PUM1: variants seen among roughly 807,000 people sequenced by gnomAD.
PUM1 encodes the protein pumilio homolog 1.
In PUM1, 13 loss-of-function variants were observed where a neutral mutation model predicts 131.8. The observed-to-expected ratio is 0.10, with a 90% CI of 0.06 to 0.16. The LOEUF (loss-of-function observed/expected upper bound fraction) is 0.16. PUM1 is among the 10% of genes least tolerant of loss of function. PUM1 has a pLI of 1.00. For synonymous variants in PUM1, 509 were observed against 556.5 expected (o/e 0.91, Z 1.20); for missense variants, 961 against 1,512.4 (o/e 0.64, Z 6.05).
At chr1:31,063,567 G>C (rs1212947221) in intron 1 of PUM1, among the ~76,000 whole-genome samples, 3 of 151,864 alleles carry the variant, frequency 2.0e-5, no homozygotes, top group Non-Finnish European at 4.4e-5. Context: ...TCACCACTAC[G>C]CAATACACGC....
At chr1:31,006,139 T>C (rs1224507234) in intron 4 of PUM1, 108 bp from the exon 5 acceptor site, 51 of 973,258 alleles carry the variant, frequency 5.2e-5, no homozygotes, top group Non-Finnish European at 7.2e-5. Flanking sequence ...CCATGGTCAG[T>C]TGAGCCAAAA....
intron 5 of PUM1, among the ~76,000 whole-genome samples, chr1:30,997,215 C>CA (rs953059700): frequency 1.3e-5 from 2 of 152,102 alleles, no homozygotes; most frequent in African/African-American, 4.8e-5. Flanking sequence ...GGTCTGTAGG[C>CA]AAAAATGGAA....
intron 2 of PUM1, among the ~76,000 whole-genome samples, chr1:31,030,635 C>T (rs1240440423): frequency 6.6e-6 from 1 of 151,996 alleles, no homozygotes; most frequent in Non-Finnish European, 1.5e-5. Flanking sequence ...AGCCTGCACC[C>T]GGGCAGTCGA....
rs145921595 is a variant in PUM1 at position 30,953,065 on chromosome 1, T to C, written c.2591+649A>G. 1.8e-3 allele frequency among the ~76,000 whole-genome samples: 270 copies of C among 152,338 alleles called. 1 individual carries two copies. Among genetic ancestry groups the C allele is most frequent in the African/African-American group, 6.1e-3 (254 of 41,578 alleles). ...GAAGTAGTAACAGTCTGCCTTTTTT[T>C]AGTCCAAATGACCACTATCAGGAAA... is the stretch of plus-strand genomic sequence containing the variant. On this transcript the variant is annotated intron_variant, in intron 15 of 21. Coordinates refer to ENST00000426105, the MANE Select transcript of PUM1 (RefSeq NM_001020658.2).
At chr1:30,941,293 G>A (rs1639429705) in intron 19 of PUM1, 21 bp from the exon 20 acceptor site, 2 of 1,601,360 alleles carry the variant, frequency 1.2e-6, no homozygotes, top group African/African-American at 2.7e-5. Flanking sequence ...AACAGTAAGA[G>A]AAATAAAATG....
At chr1:30,955,069 CA>C (rs373365605) in intron 14 of PUM1, among the ~76,000 whole-genome samples, 1,549 of 145,482 alleles carry the variant, frequency 0.011, 11 homozygotes, top group East Asian at 0.033. Flanking sequence ...ACCTTGTCTC[CA>C]AAAAAAACAA....
intron 14 of PUM1, among the ~76,000 whole-genome samples, chr1:30,955,074 A>AAAAC (rs764763790): frequency 6.6e-6 from 1 of 151,904 alleles, no homozygotes; most frequent in East Asian, 1.9e-4. Flanking sequence ...GTCTCCAAAA[A>AAAAC]AAACAAACAA....
rs117049199 is a variant in PUM1 at position 30,934,375 on chromosome 1, G to A, written c.3436-1033C>T. Among the ~76,000 whole-genome samples the A allele has an allele frequency of 5.1e-3, 778 of 152,270 alleles. 4 individuals are homozygous for A. Among genetic ancestry groups the A allele is most frequent in the East Asian group, 0.032 (168 of 5,180 alleles). On this transcript the variant is annotated intron_variant, in intron 21 of 21. Transcript: ENST00000426105. ...CATAAACGCACTGGATAAATGTACC[G>A]CAGTAGACAGAGGCTCTCCAGGTTG...
intron 14 of PUM1, among the ~76,000 whole-genome samples, chr1:30,961,160 T>C (rs1309845113): frequency 6.6e-6 from 1 of 151,402 alleles, no homozygotes; most frequent in African/African-American, 2.4e-5. Context: ...GCCACTGCAT[T>C]CCAACCAGGG....
chr1:30,945,471 G>C lies in PUM1; in HGVS notation c.2869C>G (p.Arg957Gly). The change falls in exon 18 of 22, where the codon CGG (arginine) becomes GGG (glycine). Residue 957 changes from arginine to glycine, a missense_variant. This residue lies in a region of PUM1 where 178 missense variants were observed against 327.5 expected (regional missense o/e 0.54). Coordinates refer to ENST00000426105, the MANE Select transcript of PUM1 (RefSeq NM_001020658.2). ...TTCAAGACATGGCCATCTAGTTCCC[G>C]AACCATCTCATTCTAATGGAGACAA... ...SDQQVINEMV[R>G]ELDGHVLKCV... is the part of the protein sequence containing the mutation. 1.2e-6 allele frequency: 2 copies of C among 1,614,006 alleles called. No individual in the cohort carries two copies. Among genetic ancestry groups the C allele is most frequent in the Non-Finnish European group, 1.7e-6 (2 of 1,180,008 alleles).
At chr1:30,988,148 AAAAC>A (rs751184945) in intron 7 of PUM1, among the ~76,000 whole-genome samples, 6 of 152,316 alleles carry the variant, frequency 3.9e-5, no homozygotes, top group South Asian at 2.1e-4. Flanking sequence ...GGCACACACA[AAAAC>A]AAACAAAAAA....
intron 7 of PUM1, among the ~76,000 whole-genome samples, chr1:30,985,610 A>T (rs1239974052): frequency 7.1e-6 from 1 of 140,786 alleles, no homozygotes; most frequent in Non-Finnish European, 1.5e-5. Context: ...CGAGATGGCC[A>T]TTGCACTCCA....
Position 31,044,364 on chromosome 1 carries a change from T to G in PUM1, c.363+14840A>C, listed in dbSNP as rs933595386. On this transcript the variant is annotated intron_variant, in intron 2 of 21. Coordinates refer to ENST00000426105, the MANE Select transcript of PUM1 (RefSeq NM_001020658.2). ...CTGCAGTGAGCTGAGATCGTGCCAC[T>G]GCACTCCAGCCTGGGCGACAGCGAG... Among the ~76,000 whole-genome samples the G allele has an allele frequency of 5.3e-5, 8 of 152,222 alleles. No homozygotes were observed. In the South Asian group the frequency reaches 1.5e-3, roughly 28 times the overall value.
chr1:31,015,726 T>G (rs1188236656), intron 3 of PUM1, among the ~76,000 whole-genome samples: 1 of 149,086 alleles, frequency 6.7e-6, no homozygotes, highest in African/African-American at 2.5e-5. Context: ...CAGGCTGGAG[T>G]GCAATGATGC....
intron 14 of PUM1, among the ~76,000 whole-genome samples, chr1:30,957,137 A>G (rs1401528388): frequency 8.2e-6 from 1 of 121,300 alleles, no homozygotes; most frequent in East Asian, 2.2e-4. Context: ...TTTTATTACT[A>G]AGAAATATAG....
At chr1:31,030,213 AAAAAC>A (rs1643375537) in intron 2 of PUM1, among the ~76,000 whole-genome samples, 1 of 152,018 alleles carries the variant, frequency 6.6e-6, no homozygotes, top group African/African-American at 2.4e-5. Context: ...TGTCTCAAAA[AAAAAC>A]AAAACAAAAA....
intron 2 of PUM1, among the ~76,000 whole-genome samples, chr1:31,046,101 A>C (rs1448000149): frequency 2.0e-5 from 3 of 149,048 alleles, no homozygotes; most frequent in Admixed American, 6.7e-5. Context: ...TAGAAAAAAA[A>C]AAGGGCTGGG....
At chr1:30,937,952 A>G (rs1359330873) in intron 20 of PUM1, among the ~76,000 whole-genome samples, 1 of 151,956 alleles carries the variant, frequency 6.6e-6, no homozygotes, top group East Asian at 1.9e-4. Context: ...TTGTATTTTT[A>G]GTAGAGACGG....
chr1:30,992,014 T>G (rs866511882), intron 7 of PUM1, among the ~76,000 whole-genome samples: 1 of 152,212 alleles, frequency 6.6e-6, no homozygotes, highest in South Asian at 2.1e-4. Flanking sequence ...CAGCGGTGGA[T>G]AGTAGAGTTT....
Sources: gnomAD v4.1 joint callset for allele counts (sites outside exome capture counted in the v4.1 genomes callset) on GRCh38, gnomAD v4.1.1 for gene constraint, gnomAD v4.1.1 regional missense constraint, MANE v1.5 for transcripts, NCBI Gene and HGNC (gene_info 2026-07-23, HGNC 2026-07-21) for gene names.